DIP2B: variants seen among roughly 807,000 people sequenced by gnomAD.
DIP2B encodes disco-interacting protein 2 homolog B.
A neutral mutation model predicts 198.0 loss-of-function variants in DIP2B; 76 were observed. The ratio of observed to expected loss-of-function variants is 0.38; its 90% CI spans 0.32 to 0.46. DIP2B has a LOEUF of 0.46. Among genes scored for constraint, DIP2B ranks in the 20% least tolerant of loss-of-function variants. DIP2B has a pLI of 0.99. For missense variants in DIP2B, 1,559 were observed against 1,978.4 expected (o/e 0.79, Z 4.02); for synonymous variants, 701 against 739.1 (o/e 0.95, Z 0.84).
chr12:50,623,369 C>G (rs2139465518), intron 1 of DIP2B, among the ~76,000 whole-genome samples: 2 of 143,140 alleles, frequency 1.4e-5, no homozygotes, highest in South Asian at 4.7e-4. Flanking sequence ...AGAGGGAGAC[C>G]CTGCCTCCAA....
At chr12:50,627,421 T>G (rs1383961237) in intron 2 of DIP2B, among the ~76,000 whole-genome samples, 1 of 151,998 alleles carries the variant, frequency 6.6e-6, no homozygotes, top group Non-Finnish European at 1.5e-5. Flanking sequence ...ACAGCCTCAA[T>G]CTCCCAGGTT....
At chr12:50,529,154 G>T (rs943503290) in intron 1 of DIP2B, among the ~76,000 whole-genome samples, 3 of 152,106 alleles carry the variant, frequency 2.0e-5, no homozygotes, top group Admixed American at 1.3e-4. Context: ...GGTGGCATGC[G>T]CCTGTAGTCC....
At chr12:50,688,588 G>A (rs1344627234) in intron 12 of DIP2B, among the ~76,000 whole-genome samples, 1 of 152,024 alleles carries the variant, frequency 6.6e-6, no homozygotes, top group East Asian at 1.9e-4. Context: ...GGAGGTTGAG[G>A]CAACAGTGAG....
chr12:50,539,672 T>C (rs1261083991), intron 1 of DIP2B, among the ~76,000 whole-genome samples: 1 of 150,150 alleles, frequency 6.7e-6, no homozygotes, highest in African/African-American at 2.4e-5. Flanking sequence ...GATTGAACAC[T>C]GGTAGATCCA....
chr12:50,529,286 T>G (rs138366899), intron 1 of DIP2B, among the ~76,000 whole-genome samples: 6 of 152,328 alleles, frequency 3.9e-5, no homozygotes, highest in African/African-American at 1.4e-4. Context: ...AGTAAGACCC[T>G]GTCTCAAACA....
rs1446673168 is a variant in DIP2B, at chr12:50,746,932, C to T, written c.*2093C>T. The T allele has an allele frequency of 3.3e-5, 5 of 152,134 alleles. No individual in the cohort carries two copies. Among genetic ancestry groups the T allele is most frequent in the Non-Finnish European group, 7.3e-5 (5 of 68,030 alleles). The allele number at this position is 152,134 out of a possible 1,614,324, so 9.4% of individuals were successfully genotyped here. On this transcript the variant is annotated 3_prime_UTR_variant, in exon 38 of 38. Coordinates refer to ENST00000301180, the MANE Select transcript of DIP2B (RefSeq NM_173602.3). Reference sequence around the variant, plus strand: ...ATTAGGGTATAGGCATCTAGAGATGCACTGTCCACTGTAAATACTATAATG... The same window carrying T: ...ATTAGGGTATAGGCATCTAGAGATGTACTGTCCACTGTAAATACTATAATG...
chr12:50,537,703 A>G (rs2139370880), intron 1 of DIP2B, among the ~76,000 whole-genome samples: 1 of 152,312 alleles, frequency 6.6e-6, no homozygotes, highest in Non-Finnish European at 1.5e-5. Context: ...AATGAAGCTA[A>G]TGAGGAATGC....
At chr12:50,649,636 T>A (rs1379614991) in intron 3 of DIP2B, among the ~76,000 whole-genome samples, 2 of 152,146 alleles carry the variant, frequency 1.3e-5, no homozygotes, top group African/African-American at 4.8e-5. Flanking sequence ...GGCAAATCAC[T>A]TGAGGTCAGG....
intron 1 of DIP2B, among the ~76,000 whole-genome samples, chr12:50,510,580 T>C (rs1958005222): frequency 6.6e-6 from 1 of 152,210 alleles, no homozygotes. Flanking sequence ...GGATACTCTT[T>C]GAAATGCTCC....
intron 1 of DIP2B, among the ~76,000 whole-genome samples, chr12:50,615,737 C>T (rs117218457): frequency 0.018 from 2,678 of 152,244 alleles, 40 homozygotes; most frequent in Non-Finnish European, 0.028. Flanking sequence ...ATCATAAACA[C>T]TCAAGGTAGG....
chr12:50,513,393 T>A (rs183503589), intron 1 of DIP2B, among the ~76,000 whole-genome samples: 1 of 152,302 alleles, frequency 6.6e-6, no homozygotes, highest in East Asian at 1.9e-4. Flanking sequence ...CATATGTACA[T>A]TTCTGAGCCT....
intron 1 of DIP2B, among the ~76,000 whole-genome samples, chr12:50,550,092 C>T (rs1958414631): frequency 6.6e-6 from 1 of 152,054 alleles, no homozygotes; most frequent in South Asian, 2.1e-4. Context: ...GCCATTTTGC[C>T]CTGTGTTAGT....
At chr12:50,557,612 G>C (rs1173036102) in intron 1 of DIP2B, among the ~76,000 whole-genome samples, 1 of 152,220 alleles carries the variant, frequency 6.6e-6, no homozygotes, top group Non-Finnish European at 1.5e-5. Flanking sequence ...GCTGCTGGGT[G>C]GGGGGATATT....
chr12:50,610,863 C>T (rs1184632159), intron 1 of DIP2B, among the ~76,000 whole-genome samples: 3 of 147,606 alleles, frequency 2.0e-5, no homozygotes, highest in Non-Finnish European at 4.4e-5. Flanking sequence ...AGTGCAGTGG[C>T]GTGATCTTGG....
At chr12:50,604,621 C>T (rs1169630713) in intron 1 of DIP2B, among the ~76,000 whole-genome samples, 1 of 152,168 alleles carries the variant, frequency 6.6e-6, no homozygotes, top group Non-Finnish European at 1.5e-5. Flanking sequence ...CCATGCCTGG[C>T]TAATTTTTAA....
At chr12:50,699,389 C>T (rs878893323) in intron 19 of DIP2B, among the ~76,000 whole-genome samples, 187 bp downstream of exon 19, 2 of 152,124 alleles carry the variant, frequency 1.3e-5, no homozygotes, top group African/African-American at 4.8e-5. Context: ...GGTTAACCTC[C>T]CTGTGCCCCA....
rs775097704 is a variant in DIP2B, at chr12:50,735,182, C to T, written c.4101+52C>T. 5 of 1,596,844 alleles carry T rather than the reference C, an allele frequency of 3.1e-6. No homozygotes were observed. In the East Asian group the frequency reaches 1.1e-4, roughly 36 times the overall value. On this transcript the variant is annotated intron_variant, in intron 34 of 37. Transcript: ENST00000301180. ...AGGTGGGCTGTGTGGAGAAGTGGTT[C>T]AGTTTAAAGAAACCAGAAGCCATAT...
At chr12:50,618,541 A>G (rs757407555) in intron 1 of DIP2B, among the ~76,000 whole-genome samples, 6 of 152,306 alleles carry the variant, frequency 3.9e-5, no homozygotes, top group South Asian at 2.1e-4. Flanking sequence ...TGTTTTCTCA[A>G]TCTTTCTGAA....
At chr12:50,678,464 G>T (rs186917919) in intron 7 of DIP2B, among the ~76,000 whole-genome samples, 1 of 152,146 alleles carries the variant, frequency 6.6e-6, no homozygotes, top group Non-Finnish European at 1.5e-5. Flanking sequence ...GTCAGGATTT[G>T]TTCATTGCAT....
Sources: gnomAD v4.1 joint callset for allele counts (sites outside exome capture counted in the v4.1 genomes callset) on GRCh38, gnomAD v4.1.1 for gene constraint, MANE v1.5 for transcripts, NCBI Gene and HGNC (gene_info 2026-07-23, HGNC 2026-07-21) for gene names.